CNTNAP3B: variants seen among roughly 807,000 people sequenced by gnomAD.
CNTNAP3B encodes contactin-associated protein-like 3B.
A neutral mutation model predicts 108.9 loss-of-function variants in CNTNAP3B; 25 were observed. The observed-to-expected ratio is 0.23, with a 90% CI of 0.17 to 0.32. CNTNAP3B has a LOEUF of 0.32. Among genes scored for constraint, CNTNAP3B ranks in the 10% least tolerant of loss-of-function variants. CNTNAP3B has a pLI of 1.00. For missense variants in CNTNAP3B, 252 were observed against 1,210.4 expected, an observed-to-expected ratio of 0.21 and a Z score of 11.75; for synonymous variants, 103 against 473.4, an observed-to-expected ratio of 0.22 and a Z score of 10.16.
In CNTNAP3B at chr9:42,129,358, C is replaced by G; in HGVS notation, c.-264G>C. On this transcript the variant is annotated 5_prime_UTR_variant, in exon 1 of 24. Transcript: ENST00000377561. Reference sequence around the variant, plus strand: ...GGGGGCCGCGCGGCGCCGCCCCAGGCACGGAGGCGGCAGGTTCAGGCGCGT... The same window carrying G: ...GGGGGCCGCGCGGCGCCGCCCCAGGGACGGAGGCGGCAGGTTCAGGCGCGT... 1 of 358,506 alleles carries G rather than the reference C, an allele frequency of 2.8e-6. No homozygotes were observed. The highest frequency in any genetic ancestry group is 8.2e-5 in the South Asian group (1 of 12,188). The allele number at this position is 358,506 out of a possible 1,614,324, so 22.2% of individuals were successfully genotyped here. A position where few individuals can be genotyped will look rare whatever the true frequency, so the allele number is the denominator to read the frequency against.
rs765716612 is a variant in CNTNAP3B, at chr9:41,997,740, A to T, written c.755T>A (p.Leu252Gln). 5 of 1,071,628 alleles carry T rather than the reference A, an allele frequency of 4.7e-6. No homozygotes were observed. The South Asian group carries it at 7.4e-5, about 16-fold the overall frequency. The allele number at this position is 1,071,628 out of a possible 1,614,324, so 66.4% of individuals were successfully genotyped here. A position where few individuals can be genotyped will look rare whatever the true frequency, so the allele number is the denominator to read the frequency against. Residue 252 changes from leucine (L) to glutamine (Q), a missense_variant, in exon 6 of 24, where the codon CTG (leucine) becomes CAG (glutamine). Physicochemically the swap from Leu to Gln is moderately radical, Grantham distance 113. Coordinates refer to ENST00000377561, the MANE Select transcript of CNTNAP3B (RefSeq NM_001201380.3). ...VFFLNSGNAK[L>Q]PSTIAPVTLT... ...GGTCACAGGAGCAATAGTAGAAGGC[A>T]GCTTAGCATTGCCTTAAAGGAGAAG...
In CNTNAP3B at chr9:42,029,448, C is replaced by T. The variant is rs1826472975; in HGVS notation, c.391-15923G>A. Reference sequence around the variant, plus strand: ...AACAAAGAAAAAACAAAATATGGTTCACAGTCTTACCAGTCAGATAACCCT... The same window carrying T: ...AACAAAGAAAAAACAAAATATGGTTTACAGTCTTACCAGTCAGATAACCCT... On this transcript the variant is annotated intron_variant, in intron 3 of 23. Transcript: ENST00000377561. Among the ~76,000 whole-genome samples the T allele has an allele frequency of 1.7e-5, 2 of 121,134 alleles. 1 individual carries two copies. Among genetic ancestry groups the T allele is most frequent in the South Asian group, 5.6e-4 (2 of 3,602 alleles). 79.5% of individuals were successfully genotyped at this position (121,134 alleles called of 152,430 possible).
intron 1 of CNTNAP3B, among the ~76,000 whole-genome samples, chr9:42,115,823 C>T (rs1481572721): frequency 8.3e-6 from 1 of 121,066 alleles, no homozygotes; most frequent in Admixed American, 8.5e-5. Flanking sequence ...TCCAAAGGAA[C>T]ACAACGCCTC....
Position 42,031,753 on chromosome 9 carries a change from TG to T in CNTNAP3B, c.391-18229del, listed in dbSNP as rs1357737636. ...CCCATATGTCTTCATGAAAATAAAA[TG>T]TGATAAATGTAAAACATTTCAGACA... On this transcript the variant is annotated intron_variant, in intron 3 of 23. Transcript: ENST00000377561. Among the ~76,000 whole-genome samples the T allele has an allele frequency of 5.5e-5, 5 of 90,092 alleles. 1 individual carries two copies. Among genetic ancestry groups the T allele is most frequent in the African/African-American group, 8.4e-5 (2 of 23,684 alleles). 59.1% of individuals were successfully genotyped at this position (90,092 alleles called of 152,430 possible). A position where few individuals can be genotyped will look rare whatever the true frequency, so the allele number is the denominator to read the frequency against.
intron 3 of CNTNAP3B, among the ~76,000 whole-genome samples, chr9:42,058,173 ATGG>A (rs1827112726): frequency 1.4e-5 from 2 of 147,828 alleles, no homozygotes; most frequent in African/African-American, 5.0e-5. Flanking sequence ...TGCAATGAAC[ATGG>A]TTGTACAGAT....
chr9:42,079,306 G>T (rs1431981532), intron 2 of CNTNAP3B, among the ~76,000 whole-genome samples: 66 of 135,386 alleles, frequency 4.9e-4, no homozygotes, highest in Non-Finnish European at 1.9e-4. Flanking sequence ...GAAAGCTGAG[G>T]GTGCAGTGCC....
chr9:41,946,027 C>G (rs80323968), intron 13 of CNTNAP3B, among the ~76,000 whole-genome samples: 1 of 152,142 alleles, frequency 6.6e-6, no homozygotes, highest in African/African-American at 2.4e-5. Flanking sequence ...GTCAATATAA[C>G]AAGAAGATAT....
intron 1 of CNTNAP3B, among the ~76,000 whole-genome samples, chr9:42,107,761 G>A (rs1188795163): frequency 7.3e-6 from 1 of 137,310 alleles, no homozygotes; most frequent in Admixed American, 7.3e-5. Context: ...GGATCACAAG[G>A]TCAGGAGATC....
At chr9:42,107,639 G>A (rs1168722646) in intron 1 of CNTNAP3B, among the ~76,000 whole-genome samples, 1 of 131,076 alleles carries the variant, frequency 7.6e-6, no homozygotes, top group African/African-American at 3.1e-5. Flanking sequence ...ACCTTGTAAT[G>A]AAGAAAATTT....
intron 13 of CNTNAP3B, among the ~76,000 whole-genome samples, chr9:41,942,777 A>G (rs1301738511): frequency 6.6e-6 from 1 of 152,152 alleles, no homozygotes; most frequent in African/African-American, 2.4e-5. Flanking sequence ...AGTCTCTGGG[A>G]AAACTCAAAA....
intron 3 of CNTNAP3B, among the ~76,000 whole-genome samples, chr9:42,035,799 A>G (rs1432564371): frequency 6.7e-6 from 1 of 149,134 alleles, no homozygotes; most frequent in Non-Finnish European, 1.5e-5. Context: ...CTGGGACTAC[A>G]GGTGTGTGCC....
At chr9:41,952,978 G>A (rs1462560785) in intron 13 of CNTNAP3B, among the ~76,000 whole-genome samples, 1 of 152,242 alleles carries the variant, frequency 6.6e-6, no homozygotes, top group Admixed American at 6.5e-5. Context: ...ATATGAACGC[G>A]CTGAACGTCT....
At chr9:41,965,623 A>G (rs1393691292) in intron 10 of CNTNAP3B, among the ~76,000 whole-genome samples, 1 of 150,898 alleles carries the variant, frequency 6.6e-6, no homozygotes, top group Non-Finnish European at 1.5e-5. Flanking sequence ...ATTCTAAAGG[A>G]CACTGACCTT....
Position 42,104,698 on chromosome 9 carries a change from A to T in CNTNAP3B, c.127T>A (p.Ser43Thr). 8.6e-7 allele frequency: 1 copy of T among 1,164,594 alleles called. No individual in the cohort carries two copies. Among genetic ancestry groups the T allele is most frequent in the Non-Finnish European group, 1.2e-6 (1 of 857,920 alleles). The allele number at this position is 1,164,594 out of a possible 1,614,324, so 72.1% of individuals were successfully genotyped here. A position where few individuals can be genotyped will look rare whatever the true frequency, so the allele number is the denominator to read the frequency against. ...GACAGCTCTGAGGAGCTGCTGAAGG[A>T]TGACCTAGGCAAGGCAGAGGCCAGT... The part of the protein sequence containing the change: ...SPLASALPRS[S>T]FSSSSELSSS... The change falls in exon 2 of 24, where the codon TCC becomes ACC. Residue 43 changes from serine (S) to threonine (T), a missense_variant. Transcript: ENST00000377561.
In CNTNAP3B at chr9:42,112,075, C is replaced by A. The variant is rs944489500; in HGVS notation, c.86-7336G>T. Among the ~76,000 whole-genome samples, 3 of 139,538 alleles carry A rather than the reference C, an allele frequency of 2.1e-5. 1 individual carries two copies. The highest frequency in any genetic ancestry group is 4.6e-5 in the Non-Finnish European group (3 of 65,042). 91.5% of individuals were successfully genotyped at this position (139,538 alleles called of 152,430 possible). On this transcript the variant is annotated intron_variant, in intron 1 of 23. Transcript: ENST00000377561. ...ACTCTCTGCACTACAGCCGAATCCC[C>A]TACACATTTCTCAGATGCGCTTCCT...
rs370105140 is a variant in CNTNAP3B at position 42,108,244 on chromosome 9, T to C, written c.86-3505A>G. Among the ~76,000 whole-genome samples the C allele has an allele frequency of 9.9e-5, 13 of 130,958 alleles. 2 individuals carry two copies. The East Asian group carries it at 1.5e-3, about 15-fold the overall frequency. 85.9% of individuals were successfully genotyped at this position (130,958 alleles called of 152,430 possible). On this transcript the variant is annotated intron_variant, in intron 1 of 23. Coordinates refer to ENST00000377561, the MANE Select transcript of CNTNAP3B (RefSeq NM_001201380.3). ...ATATTTCCATGTGCTTGGCTCAATA[T>C]AGAGGGTTCTAGGGTCTTAATGTTA...
At chr9:42,078,303 G>C (rs1197528456) in intron 2 of CNTNAP3B, among the ~76,000 whole-genome samples, 3 of 113,364 alleles carry the variant, frequency 2.6e-5, no homozygotes, top group African/African-American at 1.0e-4. Flanking sequence ...GCACCTATTT[G>C]AATTGATGAC....
At chr9:41,921,448 A>G (rs1823665084) in intron 17 of CNTNAP3B, among the ~76,000 whole-genome samples, 1 of 149,618 alleles carries the variant, frequency 6.7e-6, no homozygotes, top group Admixed American at 6.6e-5. Context: ...CACGTGTAGC[A>G]TTTAGTACCT....
intron 3 of CNTNAP3B, among the ~76,000 whole-genome samples, chr9:42,061,317 C>CT (rs57755649): frequency 0.02 from 1,845 of 93,002 alleles, 37 homozygotes; most frequent in Non-Finnish European, 0.025. Flanking sequence ...TTTTCTTTTT[C>CT]TTTTTTTTTT....
Sources: gnomAD v4.1 joint callset for allele counts (sites outside exome capture counted in the v4.1 genomes callset) on GRCh38, gnomAD v4.1.1 for gene constraint, MANE v1.5 for transcripts, NCBI Gene and HGNC (gene_info 2026-07-23, HGNC 2026-07-21) for gene names.